Variants in BPHL observed in about 807,000 individuals in gnomAD.
BPHL encodes the protein serine hydrolase BPHL.
BPHL carries 27 observed loss-of-function variants against 31.2 expected under a neutral mutation model. That is an observed-to-expected ratio of 0.87 (90% CI 0.64 to 1.19). The LOEUF is 1.19. Ranked by LOEUF, BPHL falls within the 50% of genes most tolerant of loss-of-function variation. The probability of loss-of-function intolerance (pLI) is 0.00; values close to 1 mark genes in which losing one functional copy is unlikely to be tolerated. For missense variants in BPHL, 356 were observed against 375.7 expected, an observed-to-expected ratio of 0.95 and a Z score of 0.43; for synonymous variants, 150 against 146.8, an observed-to-expected ratio of 1.02 and a Z score of -0.16.
rs140136196 is a variant in BPHL, at chr6:3,152,607, G to A, written c.*32G>A. The A allele has an allele frequency of 3.8e-5, 61 of 1,588,944 alleles. No homozygotes were observed. Among genetic ancestry groups the A allele is most frequent in the East Asian group, 2.0e-4 (9 of 44,296 alleles). ...ACACTCCAGTCTTGGTGGTTCCTTCGTGTGGGGCTTGATCGTGTTGCTGCC... is the reference window on the plus strand; with the variant it reads ...ACACTCCAGTCTTGGTGGTTCCTTCATGTGGGGCTTGATCGTGTTGCTGCC... On this transcript the variant is annotated 3_prime_UTR_variant, in exon 7 of 7. Transcript: ENST00000380379.
At position 3,140,176 on chromosome 6, in the gene BPHL, C is replaced by A; in HGVS notation, c.665-210C>A. 3.3e-6 allele frequency: 2 copies of A among 599,390 alleles called. No individual in the cohort carries two copies. The highest frequency in any genetic ancestry group is 3.3e-5 in the Admixed American group (1 of 29,976). 37.1% of individuals were successfully genotyped at this position (599,390 alleles called of 1,614,324 possible). On this transcript the variant is annotated intron_variant, in intron 5 of 6. Coordinates refer to ENST00000380379, the MANE Select transcript of BPHL (RefSeq NM_004332.4). This position sits in a 1 kb window ranked among gnomAD's most constrained non-coding sequence, Gnocchi z 5.2. ...TTTACTAGTAGAACTCAGAAACAGG[C>A]AAACAAACAAGAAACAGAGAGAAAC...
upstream of BPHL, chr6:3,118,586 C>A (rs1761454766): frequency 3.9e-6 from 2 of 506,372 alleles, no homozygotes; most frequent in Non-Finnish European, 6.1e-6. Context: ...AAGCACCCGG[C>A]AGGGCGTGGC....
At chr6:3,130,562 C>G (rs1157503774) in intron 4 of BPHL, among the ~76,000 whole-genome samples, 1 of 152,132 alleles carries the variant, frequency 6.6e-6, no homozygotes, top group Non-Finnish European at 1.5e-5. Flanking sequence ...CTAGTGGATC[C>G]CAGATGGCCT....
At chr6:3,133,405 C>T (rs1464593753) in intron 4 of BPHL, among the ~76,000 whole-genome samples, 1 of 152,202 alleles carries the variant, frequency 6.6e-6, no homozygotes, top group African/African-American at 2.4e-5. Flanking sequence ...GATAGCAATT[C>T]AGCAATATGT....
In BPHL at chr6:3,149,315, C is replaced by T. The variant is rs957092084; in HGVS notation, c.789-3173C>T. On this transcript the variant is annotated intron_variant, in intron 6 of 6. Coordinates refer to ENST00000380379, the MANE Select transcript of BPHL (RefSeq NM_004332.4). The surrounding 1 kb of genome is among the most constrained non-coding windows in gnomAD (Gnocchi z 4.6). ...CAGGGCCCGACTAGGTCCCCACAGT[C>T]ACAGCAGATTTGGAAAGGCTTTGTC... Among the ~76,000 whole-genome samples the T allele has an allele frequency of 2.6e-5, 4 of 151,898 alleles. No homozygotes were observed. The highest frequency in any genetic ancestry group is 5.9e-5 in the Non-Finnish European group (4 of 68,008).
At chr6:3,122,399 C>G (rs1761602163) in intron 1 of BPHL, among the ~76,000 whole-genome samples, 1 of 152,230 alleles carries the variant, frequency 6.6e-6, no homozygotes, top group East Asian at 1.9e-4. Flanking sequence ...GCCATCATGT[C>G]CCTCCTGTGC....
intron 1 of BPHL, among the ~76,000 whole-genome samples, chr6:3,122,959 G>A (rs1409891174): frequency 1.3e-5 from 2 of 152,184 alleles, no homozygotes; most frequent in African/African-American, 4.8e-5. Flanking sequence ...GAGTGCAGAC[G>A]AGTGACTCCA....
At chr6:3,123,812 C>T (rs767490301) in intron 2 of BPHL, 52 bp downstream of exon 2, 3 of 1,418,876 alleles carry the variant, frequency 2.1e-6, no homozygotes, top group East Asian at 4.7e-5. Context: ...ATCTATGATG[C>T]ATTCACAATA....
In BPHL at chr6:3,118,805, C is replaced by T; in HGVS notation, c.65C>T (p.Pro22Leu). ...CGGCTGCTTCTCTCAGCGCTGAAGC[C>T]CGGGATCCACGTCCCACGGGCCGGA... is the stretch of plus-strand genomic sequence containing the variant. Reference protein sequence around the residue: ...RLRLLLSALKPGIHVPRAGPA... With the variant: ...RLRLLLSALKLGIHVPRAGPA... The change falls in exon 1 of 7, where the codon CCC (proline) becomes CTC (leucine). Residue 22 changes from proline (P) to leucine (L), a missense_variant. Coordinates refer to ENST00000380379, the MANE Select transcript of BPHL (RefSeq NM_004332.4). 8.0e-7 allele frequency: 1 copy of T among 1,245,488 alleles called. No individual in the cohort carries two copies. Among genetic ancestry groups the T allele is most frequent in the East Asian group, 3.1e-5 (1 of 31,766 alleles). The allele number at this position is 1,245,488 out of a possible 1,614,324, so 77.2% of individuals were successfully genotyped here.
intron 6 of BPHL, among the ~76,000 whole-genome samples, chr6:3,148,225 G>A (rs763149697): frequency 6.6e-6 from 1 of 152,228 alleles, no homozygotes; most frequent in Non-Finnish European, 1.5e-5. Flanking sequence ...CAGGCTGGCA[G>A]CGAGGGATCA....
chr6:3,137,606 C>T, intron 5 of BPHL, 113 bp downstream of exon 5: 1 of 1,420,964 alleles, frequency 7.0e-7, no homozygotes, highest in Middle Eastern at 2.4e-4. Context: ...CCCTCACACG[C>T]TCATGTGTGA....
chr6:3,137,389 A>G lies in BPHL; in HGVS notation c.560A>G (p.Glu187Gly), dbSNP rs908918737. Reference sequence around the variant, plus strand: ...ATCCGAGATGTTTCCAAATGGAGTGAGAGAACAAGAAAGCCTCTAGAAGCC... The same window carrying G: ...ATCCGAGATGTTTCCAAATGGAGTGGGAGAACAAGAAAGCCTCTAGAAGCC... ...EGIRDVSKWSERTRKPLEALY... is the reference protein window; with the variant it reads ...EGIRDVSKWSGRTRKPLEALY... The change falls in exon 5 of 7, where the codon GAG becomes GGG. Residue 187 changes from glutamate to glycine, a missense_variant. Coordinates refer to ENST00000380379, the MANE Select transcript of BPHL (RefSeq NM_004332.4). The G allele has an allele frequency of 6.2e-7, 1 of 1,612,278 alleles. No homozygotes were observed. The highest frequency in any genetic ancestry group is 1.1e-5 in the South Asian group (1 of 90,922).
intron 6 of BPHL, among the ~76,000 whole-genome samples, chr6:3,146,852 AGTGCTGGTTTGGGTCG>A (rs1762398330): frequency 7.0e-6 from 1 of 143,548 alleles, no homozygotes; most frequent in African/African-American, 2.7e-5. Context: ...TTTGGGTCGG[AGTGCTGGTTTGGGTCG>A]GAGTGCTGGT....
At chr6:3,124,878 G>A (rs867492971) in intron 2 of BPHL, among the ~76,000 whole-genome samples, 16 of 152,182 alleles carry the variant, frequency 1.1e-4, no homozygotes, top group Admixed American at 2.0e-4. Flanking sequence ...ACTGTTGCAC[G>A]TGTGTCTAAA....
intron 5 of BPHL, chr6:3,139,991 G>T (rs58003539): frequency 1.4e-3 from 259 of 189,716 alleles, no homozygotes; most frequent in African/African-American, 5.7e-3. Flanking sequence ...GCTGGCCGGG[G>T]CCCCTACACT....
intron 1 of BPHL, among the ~76,000 whole-genome samples, chr6:3,120,376 G>T (rs1393071181): frequency 6.6e-6 from 1 of 152,062 alleles, no homozygotes; most frequent in Admixed American, 6.6e-5. Context: ...GTTGAGGAAG[G>T]CCCCATCCAT....
At position 3,118,717 on chromosome 6, in the gene BPHL, C is replaced by T. The variant is rs566652280; in HGVS notation, c.-24C>T. The T allele has an allele frequency of 4.8e-6, 6 of 1,255,658 alleles. No individual in the cohort carries two copies. The highest frequency in any genetic ancestry group is 6.0e-6 in the Non-Finnish European group (6 of 996,492). The allele number at this position is 1,255,658 out of a possible 1,614,324, so 77.8% of individuals were successfully genotyped here. ...GCTTGGTCTTAGCGCATGCGCACTCCCGGCAGCTACGCGACCTGTGACCAT... is the reference window on the plus strand; with the variant it reads ...GCTTGGTCTTAGCGCATGCGCACTCTCGGCAGCTACGCGACCTGTGACCAT... On this transcript the variant is annotated 5_prime_UTR_variant, in exon 1 of 7. Transcript: ENST00000380379.
chr6:3,127,913 C>T lies in BPHL; in HGVS notation c.378+505C>T, dbSNP rs141541594. On this transcript the variant is annotated intron_variant, in intron 3 of 6. Coordinates refer to ENST00000380379, the MANE Select transcript of BPHL (RefSeq NM_004332.4). ...TTGGCTCACTGCAACCTCTGCCTCC[C>T]GGGTTCAAACGATTCTCCTGCCTCA... 8.5e-3 allele frequency among the ~76,000 whole-genome samples: 1,293 copies of T among 152,142 alleles called. 10 individuals carry two copies. The highest frequency in any genetic ancestry group is 0.029 in the African/African-American group (1,197 of 41,484).
intron 6 of BPHL, among the ~76,000 whole-genome samples, chr6:3,144,914 G>A (rs1039705935): frequency 2.6e-5 from 4 of 152,230 alleles, no homozygotes; most frequent in Non-Finnish European, 5.9e-5. Flanking sequence ...AGGCCTGAGG[G>A]CCAGACCCGG....
Sources: gnomAD v4.1 joint callset for allele counts (sites outside exome capture counted in the v4.1 genomes callset) on GRCh38, gnomAD v4.1.1 for gene constraint, Gnocchi (gnomAD v3.1) non-coding constraint, MANE v1.5 for transcripts, NCBI Gene and HGNC (gene_info 2026-07-23, HGNC 2026-07-21) for gene names.